MTMR8: variants seen among roughly 807,000 people sequenced by gnomAD.
MTMR8 encodes myotubularin related protein 8, also known as phosphatidylinositol-3,5-bisphosphate 3-phosphatase MTMR8.
MTMR8 carries 65 observed loss-of-function variants against 39.3 expected under a neutral mutation model. The ratio of observed to expected loss-of-function variants is 1.65; its 90% CI spans 1.35 to 2.03. The LOEUF (loss-of-function observed/expected upper bound fraction) is 2.03, where lower values mean the gene tolerates loss of function less well. Ranked by LOEUF, MTMR8 falls within the 30% of genes most tolerant of loss-of-function variation. MTMR8 has a pLI of 0.00. For synonymous variants in MTMR8, 245 were observed against 185.2 expected (o/e 1.32, Z -2.62); for missense variants, 777 against 538.9 (o/e 1.44, Z -4.37).
intron 2 of MTMR8, among the ~76,000 whole-genome samples, chrX:64,358,843 G>GCGCACA (rs1555958010): frequency 1.1e-5 from 1 of 91,179 alleles, no homozygotes; most frequent in African/African-American, 4.2e-5. Flanking sequence ...GCCCGTGCAT[G>GCGCACA]CACACACACA....
rs1923720940 is a variant in MTMR8 at position 64,359,505 on chromosome X, T to A, written c.47A>T (p.Asp16Val). 20 of 1,199,235 alleles carry A rather than the reference T, an allele frequency of 1.7e-5. No individual in the cohort carries two copies. Among genetic ancestry groups the A allele is most frequent in the Non-Finnish European group, 2.0e-5 (18 of 889,205 alleles). Residue 16 changes from aspartate (D) to valine (V), a missense_variant, in exon 2 of 14, where the codon GAT becomes GTT. Transcript: ENST00000374852. ...AGCTGGTTTCTTACTCACATAACGA[T>A]CCACCAATTTCACGTTTTCTACCTG... ...VPKVENVKLV[D>V]RYVSKKPANG...
At chrX:64,314,314 G>A (rs1182767300) in intron 12 of MTMR8, among the ~76,000 whole-genome samples, 1 of 112,736 alleles carries the variant, frequency 8.9e-6, no homozygotes, top group Non-Finnish European at 1.9e-5. Flanking sequence ...GCTGCAGCAG[G>A]GTGCTAGGAG....
At chrX:64,393,451 AT>A (rs1924743325) in intron 1 of MTMR8, among the ~76,000 whole-genome samples, 1 of 111,960 alleles carries the variant, frequency 8.9e-6, no homozygotes, top group Admixed American at 9.5e-5. Flanking sequence ...TAACAGGGGA[AT>A]TTTAATATTT....
At chrX:64,374,573 T>G (rs1924214261) in intron 1 of MTMR8, among the ~76,000 whole-genome samples, 1 of 111,354 alleles carries the variant, frequency 9.0e-6, no homozygotes, top group Admixed American at 9.6e-5. Flanking sequence ...GGAAACAGAA[T>G]AAGGATTGTA....
chrX:64,297,302 G>T (rs752597250), intron 12 of MTMR8, among the ~76,000 whole-genome samples: 1 of 109,549 alleles, frequency 9.1e-6, no homozygotes, highest in African/African-American at 3.3e-5. Context: ...ATCTCATAGT[G>T]GTTTTGATTT....
intron 12 of MTMR8, among the ~76,000 whole-genome samples, chrX:64,285,102 G>A (rs1264211253): frequency 9.0e-6 from 1 of 111,231 alleles, no homozygotes; most frequent in South Asian, 3.8e-4. Flanking sequence ...GACACACTTA[G>A]GCTCAAAATA....
chrX:64,270,517 C>A, intron 13 of MTMR8, among the ~76,000 whole-genome samples: 1 of 112,385 alleles, frequency 8.9e-6, no homozygotes, highest in Middle Eastern at 4.6e-3. Context: ...ACTCAATAAG[C>A]AGAGTTTGCA....
At chrX:64,312,812 G>T (rs1922353753) in intron 12 of MTMR8, among the ~76,000 whole-genome samples, 1 of 112,276 alleles carries the variant, frequency 8.9e-6, no homozygotes. Context: ...TCATCTGCAT[G>T]CAGATCTCCA....
chrX:64,301,561 C>T (rs1169356657), intron 12 of MTMR8, among the ~76,000 whole-genome samples: 5 of 111,768 alleles, frequency 4.5e-5, no homozygotes, highest in South Asian at 3.8e-4. Flanking sequence ...TCATCTGAAG[C>T]CTTCTTCTCT....
intron 12 of MTMR8, among the ~76,000 whole-genome samples, chrX:64,311,305 A>T (rs185448280): frequency 1.1e-3 from 124 of 111,201 alleles, no homozygotes; most frequent in African/African-American, 4.0e-3. Context: ...TTCTTTTGAG[A>T]CGTGTCTGTT....
intron 12 of MTMR8, among the ~76,000 whole-genome samples, chrX:64,312,545 T>A (rs894730034): frequency 1.8e-5 from 2 of 112,313 alleles, no homozygotes; most frequent in African/African-American, 3.2e-5. Flanking sequence ...ATTGTCCCTG[T>A]TTGCACATGA....
rs1317908791 is a variant in MTMR8 at position 64,314,734 on chromosome X, C to T, written c.1481+14038G>A. On this transcript the variant is annotated intron_variant, in intron 12 of 13. Coordinates refer to ENST00000374852, the MANE Select transcript of MTMR8 (RefSeq NM_017677.4). ...CCCACGTACACATGTGCGGTCAAGG[C>T]AATGTGGGAAGTGGCCCTGGGCCCA... Among the ~76,000 whole-genome samples the T allele has an allele frequency of 2.7e-5, 3 of 112,444 alleles. No individual in the cohort carries two copies. In the East Asian group the frequency reaches 8.5e-4, roughly 32 times the overall value.
At chrX:64,302,166 T>A (rs967162524) in intron 12 of MTMR8, among the ~76,000 whole-genome samples, 3 of 112,532 alleles carry the variant, frequency 2.7e-5, no homozygotes, top group African/African-American at 9.7e-5. Flanking sequence ...TCCCCCAGCC[T>A]CGCTGCTGCC....
chrX:64,338,634 G>A (rs1185797688), intron 8 of MTMR8, among the ~76,000 whole-genome samples: 6 of 112,141 alleles, frequency 5.4e-5, no homozygotes, highest in Non-Finnish European at 1.9e-5. Context: ...TGGAAGCAGA[G>A]GAGTGCCATG....
intron 12 of MTMR8, among the ~76,000 whole-genome samples, chrX:64,310,662 C>T (rs761678615): frequency 9.1e-6 from 1 of 110,222 alleles, no homozygotes; most frequent in African/African-American, 3.3e-5. Flanking sequence ...CCCCTCACCC[C>T]CCAACAGGCC....
intron 12 of MTMR8, among the ~76,000 whole-genome samples, chrX:64,304,061 A>T (rs1408251118): frequency 8.9e-6 from 1 of 112,376 alleles, no homozygotes; most frequent in Non-Finnish European, 1.9e-5. Flanking sequence ...AAGGAAAGAC[A>T]TTCATAGCAT....
At chrX:64,364,012 G>A (rs1923871943) in intron 1 of MTMR8, among the ~76,000 whole-genome samples, 1 of 112,639 alleles carries the variant, frequency 8.9e-6, no homozygotes, top group Non-Finnish European at 1.9e-5. Flanking sequence ...AGATTGACCT[G>A]CAAGGCAGCA....
intron 2 of MTMR8, among the ~76,000 whole-genome samples, chrX:64,357,228 C>T (rs185933883): frequency 9.0e-6 from 1 of 111,472 alleles, no homozygotes; most frequent in Non-Finnish European, 1.9e-5. Context: ...CCTGGATGTG[C>T]TCTTTCCATT....
intron 12 of MTMR8, among the ~76,000 whole-genome samples, chrX:64,303,151 C>T (rs1367741072): frequency 9.0e-6 from 1 of 111,666 alleles, no homozygotes; most frequent in Non-Finnish European, 1.9e-5. Flanking sequence ...TTTGACAGCA[C>T]TTTGTATTGT....
Sources: allele counts gnomAD v4.1 joint callset (sites outside exome capture counted in the v4.1 genomes callset), GRCh38; gene constraint gnomAD v4.1.1; transcripts MANE v1.5; gene names NCBI Gene and HGNC (gene_info 2026-07-23, HGNC 2026-07-21).